The following CRACD variants were observed in gnomAD, a reference collection of about 807,000 sequenced individuals.
CRACD encodes capping protein inhibiting regulator of actin dynamics.
In CRACD, 56 loss-of-function variants were observed where a neutral mutation model predicts 106.8. The ratio of observed to expected loss-of-function variants is 0.52; its 90% CI spans 0.42 to 0.66. The LOEUF is 0.66. Among genes scored for constraint, CRACD ranks in the 30% least tolerant of loss-of-function variants. The probability of loss-of-function intolerance (pLI) is 0.00; values close to 1 mark genes in which losing one functional copy is unlikely to be tolerated. For synonymous variants in CRACD, 754 were observed against 670.8 expected (o/e 1.12, Z -1.92); for missense variants, 1,730 against 1,623.2 (o/e 1.07, Z -1.13).
intron 1 of CRACD, among the ~76,000 whole-genome samples, chr4:56,107,950 C>T (rs1354089586): frequency 6.6e-6 from 1 of 152,318 alleles, no homozygotes; most frequent in East Asian, 1.9e-4. Flanking sequence ...CACATCAACA[C>T]TGTGTACGCA....
intron 1 of CRACD, among the ~76,000 whole-genome samples, chr4:56,089,602 C>T (rs1237509674): frequency 3.3e-5 from 5 of 151,712 alleles, no homozygotes; most frequent in African/African-American, 1.2e-4. Context: ...CAACCTCCGC[C>T]TCCCGGGTTC....
At chr4:56,083,855 TAGTCCCA>T (rs2109811538) in intron 1 of CRACD, among the ~76,000 whole-genome samples, 1 of 152,220 alleles carries the variant, frequency 6.6e-6, no homozygotes, top group Admixed American at 6.5e-5. Context: ...TGCACATCTG[TAGTCCCA>T]GCTACTCTGG....
At position 56,314,162 on chromosome 4, in the gene CRACD, G is replaced by C. The variant is rs774841728; in HGVS notation, c.660G>C (p.Glu220Asp). ...CCAATCCGCTGGATTCCGAGGAAGAGAGAAGACGCCAAGAAGACTACTGGC... is the reference window on the plus strand; with the variant it reads ...CCAATCCGCTGGATTCCGAGGAAGACAGAAGACGCCAAGAAGACTACTGGC... ...EEPNPLDSEE[E>D]RRRQEDYWRE... is the part of the protein sequence containing the mutation. The change falls in exon 8 of 11, where the codon GAG (glutamate) becomes GAC (aspartate). Residue 220 changes from glutamate to aspartate, a missense_variant. This residue lies in a region of CRACD where 1,620 missense variants were observed against 1,481.6 expected (regional missense o/e 1.09). Coordinates refer to ENST00000682029, the MANE Select transcript of CRACD (RefSeq NM_001393381.1). The surrounding 1 kb of genome is among the most constrained non-coding windows in gnomAD (Gnocchi z 4.4). 1.9e-6 allele frequency: 3 copies of C among 1,614,002 alleles called. No individual in the cohort carries two copies. Among genetic ancestry groups the C allele is most frequent in the Non-Finnish European group, 2.5e-6 (3 of 1,179,950 alleles).
At chr4:56,117,249 C>T (rs943614549) in intron 1 of CRACD, among the ~76,000 whole-genome samples, 1 of 152,026 alleles carries the variant, frequency 6.6e-6, no homozygotes, top group South Asian at 2.1e-4. Context: ...TCTCTATCTC[C>T]TGACCTTGGG....
intron 4 of CRACD, among the ~76,000 whole-genome samples, chr4:56,306,716 AAATACTATTT>A (rs1744735406): frequency 6.6e-6 from 1 of 152,142 alleles, no homozygotes; most frequent in African/African-American, 2.4e-5. Context: ...CTCTACTTGC[AAATACTATTT>A]AATCTTCCGA....
chr4:56,314,951 AGAAGAAGGG>A lies in CRACD; in HGVS notation c.1452_1460del (p.Glu484_Gly486del). ...ATCGTCCTGGGCCCGAGGAAAAGAG[AGAAGAAGGG>A]GACACGGAGCCTCTCCTGAAACAAG... On this transcript the variant is annotated inframe_deletion, in exon 8 of 11. Coordinates refer to ENST00000682029, the MANE Select transcript of CRACD (RefSeq NM_001393381.1). This position sits in a 1 kb window ranked among gnomAD's most constrained non-coding sequence, Gnocchi z 4.4. 1 of 1,594,794 alleles carries A rather than the reference AGAAGAAGGG, an allele frequency of 6.3e-7. No individual in the cohort carries two copies. The highest frequency in any genetic ancestry group is 1.1e-5 in the South Asian group (1 of 87,828).
intron 1 of CRACD, among the ~76,000 whole-genome samples, chr4:56,109,900 A>G (rs1734064107): frequency 6.6e-6 from 1 of 152,096 alleles, no homozygotes; most frequent in Non-Finnish European, 1.5e-5. Context: ...GAGAGGGACA[A>G]ATGGGAGAGA....
intron 1 of CRACD, among the ~76,000 whole-genome samples, chr4:56,053,116 T>C (rs1274554764): frequency 1.3e-5 from 2 of 152,180 alleles, no homozygotes; most frequent in Non-Finnish European, 2.9e-5. Flanking sequence ...CTAAGAGACA[T>C]GAAATAGCTG....
intron 5 of CRACD, 80 bp from the exon 6 acceptor site, chr4:56,310,586 C>A: frequency 1.0e-6 from 1 of 1,001,510 alleles, no homozygotes; most frequent in Non-Finnish European, 1.6e-6. Context: ...GTGACCCTAC[C>A]CAGGCACAGA....
At chr4:56,138,507 A>G (rs1207456863) in intron 1 of CRACD, among the ~76,000 whole-genome samples, 4 of 152,172 alleles carry the variant, frequency 2.6e-5, no homozygotes, top group Non-Finnish European at 4.4e-5. Context: ...TCACTAACAC[A>G]GCAGCAGAAA....
In CRACD at chr4:56,327,710, C is replaced by A. The variant is rs376700138; in HGVS notation, c.3608C>A (p.Pro1203Gln). The A allele has an allele frequency of 3.7e-6, 6 of 1,614,120 alleles. No homozygotes were observed. The highest frequency in any genetic ancestry group is 5.1e-6 in the Non-Finnish European group (6 of 1,180,018). ...VKEVTKRFST[P>Q]DAAPVSTEPA... The stretch of plus-strand genomic sequence containing the variant: ...GAAGTCACCAAGAGGTTTTCCACCC[C>A]GGATGCTGCCCCCGTGTCAACAGAA... Residue 1203 changes from proline to glutamine, a missense_variant, in exon 11 of 11, where the codon CCG becomes CAG. Physicochemically the swap from Pro to Gln is moderately conservative, Grantham distance 76. This residue lies in a region of CRACD where 89 missense variants were observed against 89.6 expected (regional missense o/e 0.99). Coordinates refer to ENST00000682029, the MANE Select transcript of CRACD (RefSeq NM_001393381.1).
intron 1 of CRACD, among the ~76,000 whole-genome samples, chr4:56,114,603 A>G (rs1734219846): frequency 6.6e-6 from 1 of 152,084 alleles, no homozygotes. Context: ...CTTTTAAAAT[A>G]ACTTTCCTGG....
At chr4:56,129,189 C>A (rs574160073) in intron 1 of CRACD, among the ~76,000 whole-genome samples, 68 of 152,308 alleles carry the variant, frequency 4.5e-4, no homozygotes, top group African/African-American at 1.5e-3. Flanking sequence ...AATCCTCCCC[C>A]CTCAGCCTCC....
chr4:56,227,382 C>A (rs753249), intron 2 of CRACD, among the ~76,000 whole-genome samples: 60,588 of 151,912 alleles, frequency 0.4, 12,501 homozygotes, highest in East Asian at 0.68. Context: ...AAGAATCTCA[C>A]CTTCACTGAT....
At chr4:56,255,133 A>AAAAAAAAAAAAAAAAAAAAAAAAAAAAAT (rs60416477) in intron 2 of CRACD, among the ~76,000 whole-genome samples, 1 of 138,810 alleles carries the variant, frequency 7.2e-6, no homozygotes, top group African/African-American at 2.6e-5. Context: ...AAAAAAAAAA[A>AAAAAAAAAAAAAAAAAAAAAAAAAAAAAT]ACTAAAAATT....
rs10000186 is a variant in CRACD, at chr4:56,213,176, A to G, written c.-189+33746A>G. ...AAGAGTTTAATTGAGGCCGGGCACA[A>G]TAGGTCACACCTATAATCCCAGCAC... On this transcript the variant is annotated intron_variant, in intron 2 of 10. Coordinates refer to ENST00000682029, the MANE Select transcript of CRACD (RefSeq NM_001393381.1). Among the ~76,000 whole-genome samples, 573 of 152,292 alleles carry G rather than the reference A, an allele frequency of 3.8e-3. 5 individuals are homozygous for G. The highest frequency in any genetic ancestry group is 0.013 in the African/African-American group (547 of 41,562).
chr4:56,197,655 A>G (rs1475923197), intron 2 of CRACD, among the ~76,000 whole-genome samples: 1 of 149,984 alleles, frequency 6.7e-6, no homozygotes, highest in African/African-American at 2.5e-5. Flanking sequence ...AGTCTATTAG[A>G]CCTCTCTATT....
At position 56,063,265 on chromosome 4, in the gene CRACD, C is replaced by T. The variant is rs140587074; in HGVS notation, c.-336+13966C>T. 9.5e-4 allele frequency among the ~76,000 whole-genome samples: 144 copies of T among 152,132 alleles called. 2 individuals are homozygous for T. Among genetic ancestry groups the T allele is most frequent in the African/African-American group, 3.4e-3 (143 of 41,490 alleles). Reference sequence around the variant, plus strand: ...CTGGCATGCAGTGGTGCGATCATGGCTTACCACAGCCTCGACCTCTTGGGC... The same window carrying T: ...CTGGCATGCAGTGGTGCGATCATGGTTTACCACAGCCTCGACCTCTTGGGC... On this transcript the variant is annotated intron_variant, in intron 1 of 10. Coordinates refer to ENST00000682029, the MANE Select transcript of CRACD (RefSeq NM_001393381.1).
At chr4:56,107,820 G>A (rs990848078) in intron 1 of CRACD, among the ~76,000 whole-genome samples, 1 of 152,172 alleles carries the variant, frequency 6.6e-6, no homozygotes, top group Non-Finnish European at 1.5e-5. Context: ...ACACATTTGT[G>A]TATCAATCCC....
Sources: gnomAD v4.1 joint callset for allele counts (sites outside exome capture counted in the v4.1 genomes callset) on GRCh38, gnomAD v4.1.1 for gene constraint, gnomAD v4.1.1 regional missense constraint, Gnocchi (gnomAD v3.1) non-coding constraint, MANE v1.5 for transcripts, NCBI Gene and HGNC (gene_info 2026-07-23, HGNC 2026-07-21) for gene names.